Variants in TMTC2 observed in about 807,000 individuals in gnomAD.
The protein encoded by TMTC2 is protein O-mannosyl-transferase TMTC2.
A neutral mutation model predicts 82.4 loss-of-function variants in TMTC2; 43 were observed. That is an observed-to-expected ratio of 0.52 (90% CI 0.41 to 0.67). The LOEUF (loss-of-function observed/expected upper bound fraction) is 0.67. TMTC2 is among the 30% of genes least tolerant of loss of function. TMTC2 has a pLI of 0.00. For synonymous variants in TMTC2, 408 were observed against 381.9 expected (o/e 1.07, Z -0.80); for missense variants, 919 against 1,012.4 (o/e 0.91, Z 1.25).
intron 1 of TMTC2, among the ~76,000 whole-genome samples, chr12:82,690,977 A>C (rs557991652): frequency 3.0e-4 from 46 of 152,220 alleles, no homozygotes; most frequent in African/African-American, 1.0e-3. Context: ...TCTTATGGAG[A>C]TAACACCATG....
chr12:83,104,364 T>C (rs1458291868), intron 11 of TMTC2, among the ~76,000 whole-genome samples: 1 of 152,232 alleles, frequency 6.6e-6, no homozygotes, highest in African/African-American at 2.4e-5. Flanking sequence ...AGGTTCTCTG[T>C]AAGGGCCCCA....
At chr12:82,906,141 C>G (rs1874292707) in intron 3 of TMTC2, among the ~76,000 whole-genome samples, 1 of 152,092 alleles carries the variant, frequency 6.6e-6, no homozygotes, top group Admixed American at 6.5e-5. Context: ...AAGTGAAACT[C>G]AAGCCTCTAA....
At chr12:83,046,393 A>C (rs898637456) in intron 9 of TMTC2, among the ~76,000 whole-genome samples, 1 of 152,106 alleles carries the variant, frequency 6.6e-6, no homozygotes, top group African/African-American at 2.4e-5. Context: ...ACTATCCCAA[A>C]CCCACTGAAT....
At chr12:83,051,917 G>A in intron 10 of TMTC2, among the ~76,000 whole-genome samples, 1 of 152,026 alleles carries the variant, frequency 6.6e-6, no homozygotes, top group Non-Finnish European at 1.5e-5. Context: ...TTAGATTAAA[G>A]GAGGATGTTT....
Position 82,896,204 on chromosome 12 carries a change from G to A in TMTC2, c.1041G>A (p.Gln347=). 1.9e-6 allele frequency: 3 copies of A among 1,614,024 alleles called. No individual in the cohort carries two copies. The South Asian group carries it at 3.3e-5, about 18-fold the overall frequency. ...CNGKTVTNGK[Q]NANGHSCLSD... ...GGAAAACTGTAACAAATGGCAAGCA[G>A]AATGCAAATGGACATAGCTGCCTTT... Residue 347 remains glutamine (Q), a synonymous_variant, in exon 3 of 12, where the codon CAG becomes CAA. Coordinates refer to ENST00000321196, the MANE Select transcript of TMTC2 (RefSeq NM_152588.3).
chr12:83,109,220 G>A (rs566735617), intron 11 of TMTC2, among the ~76,000 whole-genome samples: 4 of 152,122 alleles, frequency 2.6e-5, no homozygotes, highest in Non-Finnish European at 5.9e-5. Flanking sequence ...AGCTTCTGGG[G>A]GGGCCTCAGG....
rs1328136289 is a variant in TMTC2 at position 83,030,753 on chromosome 12, C to T, written c.2071-45C>T. The T allele has an allele frequency of 4.2e-6, 6 of 1,429,312 alleles. No individual in the cohort carries two copies. In the Admixed American group the frequency reaches 6.7e-5, roughly 16 times the overall value. 88.5% of individuals were successfully genotyped at this position (1,429,312 alleles called of 1,614,324 possible). On this transcript the variant is annotated intron_variant, in intron 8 of 11. Transcript: ENST00000321196. Reference sequence around the variant, plus strand: ...AGTTAGGCCCAGGCAGTGAAGAATCCCTCATGATCTGTTCCTGAATCATCC... The same window carrying T: ...AGTTAGGCCCAGGCAGTGAAGAATCTCTCATGATCTGTTCCTGAATCATCC...
intron 10 of TMTC2, among the ~76,000 whole-genome samples, chr12:83,056,242 C>T (rs925934964): frequency 6.6e-6 from 1 of 151,928 alleles, no homozygotes; most frequent in Admixed American, 6.6e-5. Context: ...GAAGTATCAT[C>T]ATGATTTAGT....
At chr12:82,996,397 A>G (rs1036268934) in intron 8 of TMTC2, among the ~76,000 whole-genome samples, 8 of 152,226 alleles carry the variant, frequency 5.3e-5, no homozygotes, top group Non-Finnish European at 1.0e-4. Flanking sequence ...GCACCTGAGC[A>G]CTTACCTGCC....
At chr12:82,752,152 T>TA in intron 1 of TMTC2, among the ~76,000 whole-genome samples, 1 of 150,908 alleles carries the variant, frequency 6.6e-6, no homozygotes, top group East Asian at 1.9e-4. Flanking sequence ...AGCTCCTTTT[T>TA]TTTTTTTTTT....
chr12:83,130,270 T>A (rs903539014), intron 11 of TMTC2, among the ~76,000 whole-genome samples: 1 of 152,210 alleles, frequency 6.6e-6, no homozygotes, highest in Admixed American at 6.5e-5. Context: ...AATTCAGAAA[T>A]GTGTCCGAGC....
chr12:82,859,921 G>A (rs566497023), intron 2 of TMTC2, among the ~76,000 whole-genome samples: 2 of 152,300 alleles, frequency 1.3e-5, no homozygotes, highest in South Asian at 2.1e-4. Flanking sequence ...TAGGTTTGGG[G>A]CCAATGAGCT....
At position 82,985,925 on chromosome 12, in the gene TMTC2, G is replaced by A. The variant is rs1158472884; in HGVS notation, c.1949G>A (p.Gly650Asp). 6.2e-7 allele frequency: 1 copy of A among 1,612,404 alleles called. No individual in the cohort carries two copies. Among genetic ancestry groups the A allele is most frequent in the Non-Finnish European group, 8.5e-7 (1 of 1,178,998 alleles). Residue 650 changes from glycine (G) to aspartate (D), a missense_variant and splice_region_variant, in exon 8 of 12, where the codon GGT becomes GAT. Physicochemically the swap from Gly to Asp is moderately conservative, Grantham distance 94. Transcript: ENST00000321196. ...FAPQSLYNMM[G>D]EAYMRLSKLP... ...CCTTCATGATTAATTCTCTTTCCAG[G>A]TGAAGCATATATGCGTTTAAGCAAA...
intron 9 of TMTC2, among the ~76,000 whole-genome samples, chr12:83,038,212 C>T (rs952474876): frequency 1.3e-5 from 2 of 151,510 alleles, no homozygotes; most frequent in Admixed American, 6.6e-5. Flanking sequence ...GGGTGCAGCA[C>T]ACCAACATGG....
At chr12:83,046,840 C>A (rs1277503203) in intron 9 of TMTC2, among the ~76,000 whole-genome samples, 1 of 152,100 alleles carries the variant, frequency 6.6e-6, no homozygotes, top group Non-Finnish European at 1.5e-5. Context: ...AGTGGGGTGA[C>A]CATATTGGGA....
chr12:83,044,194 G>A (rs1392630461), intron 9 of TMTC2, among the ~76,000 whole-genome samples: 2 of 152,172 alleles, frequency 1.3e-5, no homozygotes, highest in African/African-American at 4.8e-5. Flanking sequence ...TCTTGAAGAT[G>A]AGAGCCACAT....
intron 11 of TMTC2, among the ~76,000 whole-genome samples, chr12:83,065,178 TTGTC>T (rs2137478587): frequency 6.6e-6 from 1 of 152,114 alleles, no homozygotes; most frequent in African/African-American, 2.4e-5. Context: ...AGCTTGCTGA[TTGTC>T]TGTAGGATAT....
chr12:82,931,757 A>G (rs1876041617), intron 4 of TMTC2, among the ~76,000 whole-genome samples: 2 of 152,188 alleles, frequency 1.3e-5, no homozygotes, highest in African/African-American at 2.4e-5. Context: ...CTGTGTCTTT[A>G]TAAACATAGA....
intron 11 of TMTC2, among the ~76,000 whole-genome samples, chr12:83,086,760 A>G (rs550349181): frequency 1.3e-5 from 2 of 152,334 alleles, no homozygotes; most frequent in African/African-American, 4.8e-5. Context: ...AGAAAACAAT[A>G]TACATACCTT....
Sources: allele counts gnomAD v4.1 joint callset (sites outside exome capture counted in the v4.1 genomes callset), GRCh38; gene constraint gnomAD v4.1.1; transcripts MANE v1.5; gene names NCBI Gene and HGNC (gene_info 2026-07-23, HGNC 2026-07-21).